Variants in NBEA observed in about 807,000 individuals in gnomAD.
NBEA encodes lysosomal-trafficking regulator 2.
NBEA carries 44 observed loss-of-function variants against 343.4 expected under a neutral mutation model. The ratio of observed to expected loss-of-function variants is 0.13; its 90% CI spans 0.10 to 0.16. The LOEUF (loss-of-function observed/expected upper bound fraction) is 0.16. Ranked by LOEUF, NBEA falls within the 10% of genes least tolerant of loss-of-function variation. NBEA has a pLI of 1.00. For synonymous variants in NBEA, 1,175 were observed against 1,238.7 expected (o/e 0.95, Z 1.08); for missense variants, 2,555 against 3,631.3 (o/e 0.70, Z 7.62).
chr13:35,337,869 A>G (rs1229254697), intron 36 of NBEA, among the ~76,000 whole-genome samples: 3 of 152,092 alleles, frequency 2.0e-5, no homozygotes, highest in Non-Finnish European at 4.4e-5. Flanking sequence ...AAACTACTAA[A>G]TAACCAATGG....
intron 30 of NBEA, chr13:35,185,865 G>A (rs2071664157): frequency 6.6e-6 from 1 of 152,058 alleles, no homozygotes; most frequent in Non-Finnish European, 1.5e-5. Flanking sequence ...TGGTTATTGG[G>A]GGAAAATGTC....
At chr13:35,488,912 T>C (rs574947570) in intron 41 of NBEA, among the ~76,000 whole-genome samples, 1 of 151,914 alleles carries the variant, frequency 6.6e-6, no homozygotes, top group African/African-American at 2.4e-5. Flanking sequence ...CAAAACACAT[T>C]TGAGAAGCAG....
intron 36 of NBEA, among the ~76,000 whole-genome samples, chr13:35,334,115 C>T (rs2039098697): frequency 6.6e-6 from 1 of 152,054 alleles, no homozygotes; most frequent in Non-Finnish European, 1.5e-5. Flanking sequence ...TTTGAGGAAC[C>T]TCCAAAGCAT....
At chr13:35,116,679 T>C (rs1593397158) in intron 13 of NBEA, among the ~76,000 whole-genome samples, 1 of 152,250 alleles carries the variant, frequency 6.6e-6, no homozygotes, top group East Asian at 1.9e-4. Context: ...TAAATACTGG[T>C]TGCTACAAGA....
intron 36 of NBEA, among the ~76,000 whole-genome samples, chr13:35,344,702 A>C (rs1215018527): frequency 6.6e-6 from 1 of 150,796 alleles, no homozygotes; most frequent in Non-Finnish European, 1.5e-5. Flanking sequence ...CCTATAACTG[A>C]AAAAGAAGAA....
At chr13:35,295,142 A>G (rs2036043636) in intron 35 of NBEA, among the ~76,000 whole-genome samples, 1 of 148,186 alleles carries the variant, frequency 6.7e-6, no homozygotes, top group African/African-American at 2.4e-5. Context: ...AATATTTATA[A>G]TATAAATAAA....
At chr13:35,640,588 C>G (rs988752220) in intron 49 of NBEA, among the ~76,000 whole-genome samples, 1 of 152,124 alleles carries the variant, frequency 6.6e-6, no homozygotes, top group Non-Finnish European at 1.5e-5. Flanking sequence ...GTCATAATTT[C>G]GTAACTTAGT....
chr13:34,995,238 A>G (rs1488124348), intron 1 of NBEA, among the ~76,000 whole-genome samples: 3 of 152,150 alleles, frequency 2.0e-5, no homozygotes, highest in Non-Finnish European at 1.5e-5. Context: ...GGATCACTTG[A>G]GGTCAGGAGT....
At chr13:35,098,747 T>C (rs1363741033) in intron 11 of NBEA, among the ~76,000 whole-genome samples, 1 of 152,110 alleles carries the variant, frequency 6.6e-6, no homozygotes, top group African/African-American at 2.4e-5. Context: ...AGTTCAAAAA[T>C]AGCATGGAAT....
intron 1 of NBEA, among the ~76,000 whole-genome samples, chr13:34,950,422 G>T (rs1343457047): frequency 3.9e-5 from 6 of 151,932 alleles, no homozygotes; most frequent in African/African-American, 1.5e-4. Flanking sequence ...ATGTTTCAGT[G>T]CATCATTTTG....
intron 47 of NBEA, among the ~76,000 whole-genome samples, chr13:35,604,539 C>G (rs2082201318): frequency 6.6e-6 from 1 of 150,886 alleles, no homozygotes; most frequent in Non-Finnish European, 1.5e-5. Flanking sequence ...ATATACACCA[C>G]ATCTTCCCAT....
At chr13:35,126,684 C>T (rs144710778) in intron 17 of NBEA, among the ~76,000 whole-genome samples, 7 of 152,036 alleles carry the variant, frequency 4.6e-5, no homozygotes, top group Admixed American at 1.3e-4. Flanking sequence ...TTTGGGAGGC[C>T]GAGGTGGGCA....
intron 1 of NBEA, among the ~76,000 whole-genome samples, chr13:34,954,573 G>A (rs558232646): frequency 3.9e-5 from 6 of 152,210 alleles, no homozygotes; most frequent in Admixed American, 6.5e-5. Flanking sequence ...TTGAGTGGGG[G>A]ATGATTGGTG....
At chr13:35,338,196 A>T (rs906211592) in intron 36 of NBEA, among the ~76,000 whole-genome samples, 1 of 151,894 alleles carries the variant, frequency 6.6e-6, no homozygotes, top group Non-Finnish European at 1.5e-5. Context: ...AAGACCAACA[A>T]AATTGAAAAA....
intron 41 of NBEA, among the ~76,000 whole-genome samples, chr13:35,534,371 C>T (rs2078425896): frequency 6.6e-6 from 1 of 152,184 alleles, no homozygotes; most frequent in Non-Finnish European, 1.5e-5. Context: ...TTCCTACTGG[C>T]TTCATTCAGA....
intron 38 of NBEA, among the ~76,000 whole-genome samples, chr13:35,411,462 C>CT (rs199640430): frequency 0.28 from 41,323 of 146,018 alleles, 5,786 homozygotes; most frequent in East Asian, 0.4. Context: ...CTTGTCTCTT[C>CT]TTTTTTTTTT....
chr13:35,447,731 GT>G (rs1393925621), intron 39 of NBEA, among the ~76,000 whole-genome samples: 1 of 152,074 alleles, frequency 6.6e-6, no homozygotes, highest in African/African-American at 2.4e-5. Context: ...GATCCAAGGC[GT>G]TCTGGTAGTT....
chr13:35,381,640 T>A (rs1172599825), intron 38 of NBEA, among the ~76,000 whole-genome samples: 1 of 152,034 alleles, frequency 6.6e-6, no homozygotes, highest in Non-Finnish European at 1.5e-5. Flanking sequence ...GAGTCCAAAT[T>A]CAATCAAGGA....
intron 13 of NBEA, among the ~76,000 whole-genome samples, chr13:35,112,384 GATAA>G (rs2066261673): frequency 3.3e-5 from 5 of 151,970 alleles, no homozygotes; most frequent in East Asian, 1.9e-4. Context: ...TGTAATTATA[GATAA>G]ATAGACATAT....
Sources: gnomAD v4.1 joint callset for allele counts (sites outside exome capture counted in the v4.1 genomes callset) on GRCh38, gnomAD v4.1.1 for gene constraint, MANE v1.5 for transcripts, NCBI Gene and HGNC (gene_info 2026-07-23, HGNC 2026-07-21) for gene names.